Variants in ATP8A2 observed in about 807,000 individuals in gnomAD.
ATP8A2 encodes phospholipid-transporting ATPase IB.
In ATP8A2, 100 loss-of-function variants were observed where a neutral mutation model predicts 165.6. The ratio of observed to expected loss-of-function variants is 0.60; its 90% CI spans 0.51 to 0.71. The LOEUF (loss-of-function observed/expected upper bound fraction) is 0.71, where lower values mean the gene tolerates loss of function less well. Among genes scored for constraint, ATP8A2 ranks in the 30% least tolerant of loss-of-function variants. The pLI is 0.00. For synonymous variants in ATP8A2, 543 were observed against 548.8 expected, an observed-to-expected ratio of 0.99 and a Z score of 0.15; for missense variants, 1,227 against 1,479.5, an observed-to-expected ratio of 0.83 and a Z score of 2.80.
At chr13:25,945,389 A>T (rs1013123875) in intron 33 of ATP8A2, among the ~76,000 whole-genome samples, 1 of 152,228 alleles carries the variant, frequency 6.6e-6, no homozygotes, top group Non-Finnish European at 1.5e-5. Context: ...AGGCACGTTA[A>T]TGGTGGATGT....
chr13:25,539,783 G>C (rs151288348), intron 7 of ATP8A2, among the ~76,000 whole-genome samples: 1 of 151,980 alleles, frequency 6.6e-6, no homozygotes, highest in Non-Finnish European at 1.5e-5. Flanking sequence ...TTTATTTTTC[G>C]AGTTTTCTAT....
At chr13:25,468,920 C>T in intron 1 of ATP8A2, 57 bp from the exon 2 acceptor site, 1 of 1,585,098 alleles carries the variant, frequency 6.3e-7, no homozygotes, top group South Asian at 1.1e-5. Context: ...TCGCAGCCTC[C>T]CGCCTGGCGG....
chr13:25,562,126 G>A (rs2039174982), intron 15 of ATP8A2, among the ~76,000 whole-genome samples: 1 of 152,140 alleles, frequency 6.6e-6, no homozygotes, highest in Admixed American at 6.5e-5. Flanking sequence ...CATTCTTGGG[G>A]GTATATTCCT....
rs1346076099 is a variant in ATP8A2, at chr13:25,893,226, G to T, written c.3183+30818G>T. On this transcript the variant is annotated intron_variant, in intron 33 of 36. Coordinates refer to ENST00000381655, the MANE Select transcript of ATP8A2 (RefSeq NM_016529.6). ...TCCCCCCACCCCACAACAGTCCCCG[G>T]AGTGTGATGTTCCCCTTCCTGTGTC... 6.6e-5 allele frequency among the ~76,000 whole-genome samples: 8 copies of T among 121,294 alleles called. No homozygotes were observed. The East Asian group carries it at 2.0e-3, about 30-fold the overall frequency. 79.6% of individuals were successfully genotyped at this position (121,294 alleles called of 152,430 possible).
intron 25 of ATP8A2, among the ~76,000 whole-genome samples, chr13:25,734,616 A>G (rs116013945): frequency 3.5e-4 from 54 of 152,264 alleles, no homozygotes; most frequent in African/African-American, 1.2e-3. Context: ...GAATGTGACA[A>G]AAAATCATGA....
intron 33 of ATP8A2, among the ~76,000 whole-genome samples, chr13:25,871,418 C>G (rs1292929412): frequency 6.6e-6 from 1 of 151,988 alleles, no homozygotes; most frequent in Non-Finnish European, 1.5e-5. Context: ...TCACAGTTCC[C>G]CCACCCAGAG....
At chr13:25,901,072 G>A (rs1263463368) in intron 33 of ATP8A2, among the ~76,000 whole-genome samples, 1 of 152,232 alleles carries the variant, frequency 6.6e-6, no homozygotes, top group Admixed American at 6.5e-5. Flanking sequence ...GCTCTAGCAA[G>A]GAAGGAGGAG....
chr13:25,515,269 G>A (rs1257698290), intron 2 of ATP8A2, among the ~76,000 whole-genome samples: 1 of 152,196 alleles, frequency 6.6e-6, no homozygotes, highest in Non-Finnish European at 1.5e-5. Flanking sequence ...GTTGGAGTTT[G>A]CCAGACTCCA....
intron 27 of ATP8A2, among the ~76,000 whole-genome samples, chr13:25,786,628 T>C (rs1278535086): frequency 1.3e-5 from 2 of 152,186 alleles, no homozygotes; most frequent in African/African-American, 4.8e-5. Context: ...TCCCTGTTAG[T>C]TCCACCTTAG....
chr13:25,633,294 C>T (rs975085934), intron 24 of ATP8A2, among the ~76,000 whole-genome samples: 2 of 152,148 alleles, frequency 1.3e-5, no homozygotes, highest in Admixed American at 1.3e-4. Context: ...TCATTATATA[C>T]CCTACATGCA....
chr13:25,651,105 TC>T (rs1211992162), intron 24 of ATP8A2, among the ~76,000 whole-genome samples: 1 of 152,174 alleles, frequency 6.6e-6, no homozygotes, highest in Non-Finnish European at 1.5e-5. Flanking sequence ...CTTGAAATTT[TC>T]TTTGTGAGAA....
chr13:25,533,122 A>T (rs1312770033), intron 5 of ATP8A2, 151 bp from the exon 6 acceptor site: 8 of 619,222 alleles, frequency 1.3e-5, no homozygotes, highest in Non-Finnish European at 2.0e-5. Flanking sequence ...TTCCATTTTG[A>T]GGGTGGGGGT....
chr13:25,712,058 G>A (rs958830709), intron 25 of ATP8A2, among the ~76,000 whole-genome samples: 2 of 152,094 alleles, frequency 1.3e-5, no homozygotes, highest in African/African-American at 2.4e-5. Context: ...TATTTATTTT[G>A]TATCTAGCAT....
chr13:25,499,802 T>C (rs2036795047), intron 2 of ATP8A2, among the ~76,000 whole-genome samples: 1 of 146,344 alleles, frequency 6.8e-6, no homozygotes, highest in Admixed American at 6.9e-5. Flanking sequence ...CAGATTATAA[T>C]AAGGGCTGTT....
intron 2 of ATP8A2, among the ~76,000 whole-genome samples, chr13:25,480,529 C>A (rs1312962864): frequency 2.0e-5 from 3 of 147,088 alleles, no homozygotes; most frequent in Non-Finnish European, 4.5e-5. Flanking sequence ...GGCGGCGGGG[C>A]AAAGGCGCTC....
chr13:25,597,443 G>T (rs977979927), intron 24 of ATP8A2, among the ~76,000 whole-genome samples: 1 of 152,214 alleles, frequency 6.6e-6, no homozygotes, highest in Non-Finnish European at 1.5e-5. Flanking sequence ...TTTCTCCATT[G>T]ATGGCTTTAA....
intron 1 of ATP8A2, among the ~76,000 whole-genome samples, chr13:25,451,993 TACAGGCGCCTGCCACC>T (rs2035239806): frequency 6.6e-6 from 1 of 152,108 alleles, no homozygotes; most frequent in Non-Finnish European, 1.5e-5. Flanking sequence ...TAGCTGGGAT[TACAGGCGCCTGCCACC>T]ACACCTGGTT....
intron 1 of ATP8A2, among the ~76,000 whole-genome samples, chr13:25,377,465 C>T (rs932051075): frequency 6.6e-6 from 1 of 152,154 alleles, no homozygotes; most frequent in Admixed American, 6.5e-5. Flanking sequence ...CCTGTCACAC[C>T]CCAGTGGCTG....
At chr13:25,634,090 G>A (rs184589693) in intron 24 of ATP8A2, among the ~76,000 whole-genome samples, 4 of 152,234 alleles carry the variant, frequency 2.6e-5, no homozygotes, top group Non-Finnish European at 5.9e-5. Context: ...CTTTAATGCT[G>A]TATCTAAATA....
Sources: gnomAD v4.1 joint callset for allele counts (sites outside exome capture counted in the v4.1 genomes callset) on GRCh38, gnomAD v4.1.1 for gene constraint, MANE v1.5 for transcripts, NCBI Gene and HGNC (gene_info 2026-07-23, HGNC 2026-07-21) for gene names.